Variants in SMG6 observed in about 807,000 individuals in gnomAD.
The protein encoded by SMG6 is telomerase-binding protein EST1A.
In SMG6, 66 loss-of-function variants were observed where a neutral mutation model predicts 142.2. The observed-to-expected ratio is 0.46, with a 90% CI of 0.38 to 0.57. SMG6 has a LOEUF of 0.57. Ranked by LOEUF, SMG6 falls within the 20% of genes least tolerant of loss-of-function variation. The pLI is 0.00. For synonymous variants in SMG6, 779 were observed against 702.4 expected, an observed-to-expected ratio of 1.11 and a Z score of -1.72; for missense variants, 1,793 against 1,832.0, an observed-to-expected ratio of 0.98 and a Z score of 0.39.
At chr17:2,260,889 G>C (rs2074295706) in intron 8 of SMG6, among the ~76,000 whole-genome samples, 1 of 151,976 alleles carries the variant, frequency 6.6e-6, no homozygotes, top group Non-Finnish European at 1.5e-5. Context: ...CCAGCTACTT[G>C]AGAGGCTGAG....
rs2068096951 is a variant in SMG6, at chr17:2,071,436, G to A, written c.3682-2505C>T. 6.6e-6 allele frequency among the ~76,000 whole-genome samples: 1 copy of A among 152,212 alleles called. No homozygotes were observed. On this transcript the variant is annotated intron_variant, in intron 15 of 18. Transcript: ENST00000263073. This position sits in a 1 kb window ranked among gnomAD's most constrained non-coding sequence, Gnocchi z 5.6. ...GGACAGAAGAAAAATCTAGAAGCGA[G>A]GTCCAGAGACGCTCTAAATTCCCCG...
At chr17:2,235,598 C>A (rs2073628803) in intron 10 of SMG6, 1 of 152,596 alleles carries the variant, frequency 6.6e-6, no homozygotes, top group Admixed American at 6.5e-5. Flanking sequence ...TTCCCACTTC[C>A]TGGCATTTCT....
At position 2,300,378 on chromosome 17, in the gene SMG6, A is replaced by G. The variant is rs767969910; in HGVS notation, c.375T>C (p.Ala125=). The change falls in exon 2 of 19, where the codon GCT becomes GCC. Residue 125 remains alanine (A), a synonymous_variant. Coordinates refer to ENST00000263073, the MANE Select transcript of SMG6 (RefSeq NM_017575.5). ...NRGQESFPRT[A]GQEDRSLKII... is the part of the protein sequence containing the mutation. ...TTTTTAGACTACGATCCTCTTGTCCAGCAGTCCTAGGAAAGGATTCTTGTC... is the reference window on the plus strand; with the variant it reads ...TTTTTAGACTACGATCCTCTTGTCCGGCAGTCCTAGGAAAGGATTCTTGTC... 2 of 1,614,024 alleles carry G rather than the reference A, an allele frequency of 1.2e-6. No individual in the cohort carries two copies. The highest frequency in any genetic ancestry group is 1.7e-6 in the Non-Finnish European group (2 of 1,180,036).
intron 6 of SMG6, among the ~76,000 whole-genome samples, chr17:2,288,740 G>C (rs2074963742): frequency 6.6e-6 from 1 of 151,704 alleles, no homozygotes; most frequent in African/African-American, 2.4e-5. Context: ...AGACCAGCCT[G>C]GATAACATGG....
At chr17:2,118,396 A>T (rs1305801785) in intron 13 of SMG6, among the ~76,000 whole-genome samples, 1 of 152,016 alleles carries the variant, frequency 6.6e-6, no homozygotes. Flanking sequence ...AAAATTAGCC[A>T]AGCATAGTGG....
Position 2,157,512 on chromosome 17 carries a change from A to G in SMG6, c.3357+15146T>C, listed in dbSNP as rs2071043506. On this transcript the variant is annotated intron_variant, in intron 13 of 18. Coordinates refer to ENST00000263073, the MANE Select transcript of SMG6 (RefSeq NM_017575.5). ...TTTTGGTACCCCTATCACAAAGGTA[A>G]GTGGAAGGGAACCACAATTAGAAGC... Among the ~76,000 whole-genome samples, 3 of 152,210 alleles carry G rather than the reference A, an allele frequency of 2.0e-5. No homozygotes were observed. In the South Asian group the frequency reaches 6.2e-4, roughly 31 times the overall value.
intron 10 of SMG6, among the ~76,000 whole-genome samples, chr17:2,209,318 T>C (rs1047987197): frequency 6.6e-6 from 1 of 152,130 alleles, no homozygotes; most frequent in African/African-American, 2.4e-5. Context: ...GTTTAAGAGA[T>C]CAGCCTCCCA....
intron 10 of SMG6, among the ~76,000 whole-genome samples, chr17:2,205,861 T>G (rs2072662384): frequency 6.6e-6 from 1 of 152,182 alleles, no homozygotes; most frequent in Non-Finnish European, 1.5e-5. Context: ...CAGGTTGCAG[T>G]ACAGTGCCGC....
chr17:2,088,155 G>A (rs930225504), intron 13 of SMG6: 51 of 985,356 alleles, frequency 5.2e-5, no homozygotes, highest in Non-Finnish European at 6.0e-5. Context: ...GGACAGGAGT[G>A]TGCCACGGAC....
intron 12 of SMG6, among the ~76,000 whole-genome samples, chr17:2,179,312 C>A (rs538477129): frequency 6.9e-4 from 105 of 152,218 alleles, no homozygotes; most frequent in African/African-American, 2.4e-3. Context: ...TGAAGGGGTG[C>A]CGATTAGCCT....
intron 13 of SMG6, chr17:2,087,871 T>G (rs1400613316): frequency 1.0e-6 from 1 of 985,758 alleles, no homozygotes; most frequent in Non-Finnish European, 1.2e-6. Flanking sequence ...TGTGGTCTAA[T>G]TTTAACCACC....
chr17:2,145,050 T>C (rs192032445), intron 13 of SMG6, among the ~76,000 whole-genome samples: 2 of 152,306 alleles, frequency 1.3e-5, no homozygotes, highest in East Asian at 3.9e-4. Flanking sequence ...TCTGCAGATT[T>C]CTCGTTTTCA....
At chr17:2,245,848 T>A (rs1364396496) in intron 8 of SMG6, among the ~76,000 whole-genome samples, 1 of 152,162 alleles carries the variant, frequency 6.6e-6, no homozygotes, top group African/African-American at 2.4e-5. Flanking sequence ...ACCTAGCTAA[T>A]TTTTAATTTT....
intron 8 of SMG6, among the ~76,000 whole-genome samples, chr17:2,257,228 G>C (rs112793909): frequency 2.6e-5 from 4 of 152,152 alleles, no homozygotes; most frequent in Admixed American, 2.6e-4. Flanking sequence ...TGGGACTACA[G>C]GCACGTGCCA....
intron 8 of SMG6, among the ~76,000 whole-genome samples, chr17:2,248,293 G>T (rs2073967298): frequency 6.6e-6 from 1 of 152,010 alleles, no homozygotes; most frequent in African/African-American, 2.4e-5. Flanking sequence ...TCGGGGAAAA[G>T]AACTGGTGAG....
intron 8 of SMG6, among the ~76,000 whole-genome samples, chr17:2,253,947 C>T (rs1035591038): frequency 3.3e-5 from 5 of 152,178 alleles, no homozygotes; most frequent in African/African-American, 4.8e-5. Flanking sequence ...GGCTCCTGGA[C>T]GTTTCCCAAA....
At chr17:2,110,380 T>C (rs777387124) in intron 13 of SMG6, among the ~76,000 whole-genome samples, 2 of 152,196 alleles carry the variant, frequency 1.3e-5, no homozygotes, top group East Asian at 1.9e-4. Context: ...TCTTCAGAGA[T>C]AGTTCTGCAT....
In SMG6 at chr17:2,236,590, T is replaced by G. The variant is rs747956911; in HGVS notation, c.2771A>C (p.Gln924Pro). ...AVAEKVLKEF[Q>P]VLLQHSPSPI... ...AGAGGGGCTGTGCTGCAGTAACACCTGGAACTCCTTGAGGACCTTCTCAGC... is the reference window on the plus strand; with the variant it reads ...AGAGGGGCTGTGCTGCAGTAACACCGGGAACTCCTTGAGGACCTTCTCAGC... The change falls in exon 10 of 19, where the codon CAG (glutamine) becomes CCG (proline). Residue 924 changes from glutamine (Q) to proline (P), a missense_variant. Coordinates refer to ENST00000263073, the MANE Select transcript of SMG6 (RefSeq NM_017575.5). The G allele has an allele frequency of 8.1e-6, 13 of 1,613,770 alleles. No homozygotes were observed. Among genetic ancestry groups the G allele is most frequent in the Non-Finnish European group, 1.0e-5 (12 of 1,179,896 alleles).
chr17:2,107,039 T>C (rs1241820325), intron 13 of SMG6, among the ~76,000 whole-genome samples: 1 of 152,148 alleles, frequency 6.6e-6, no homozygotes, highest in Non-Finnish European at 1.5e-5. Flanking sequence ...CTTAGTAGTT[T>C]AGTATTTTAG....
Sources: allele counts gnomAD v4.1 joint callset (sites outside exome capture counted in the v4.1 genomes callset), GRCh38; gene constraint gnomAD v4.1.1; non-coding constraint Gnocchi (gnomAD v3.1); transcripts MANE v1.5; gene names NCBI Gene and HGNC (gene_info 2026-07-23, HGNC 2026-07-21).